Variants in SCAPER observed in about 807,000 individuals in gnomAD.
The protein encoded by SCAPER is S-phase cyclin A associated protein in the ER.
A neutral mutation model predicts 182.2 loss-of-function variants in SCAPER; 98 were observed. The observed-to-expected ratio is 0.54, with a 90% CI of 0.46 to 0.64. The LOEUF is 0.64. Ranked by LOEUF, SCAPER falls within the 30% of genes least tolerant of loss-of-function variation. SCAPER has a pLI of 0.00. For synonymous variants in SCAPER, 605 were observed against 564.6 expected, an observed-to-expected ratio of 1.07 and a Z score of -1.01; for missense variants, 1,432 against 1,690.0, an observed-to-expected ratio of 0.85 and a Z score of 2.68.
At chr15:76,478,734 C>T (rs981251503) in intron 24 of SCAPER, among the ~76,000 whole-genome samples, 1 of 152,088 alleles carries the variant, frequency 6.6e-6, no homozygotes, top group Admixed American at 6.6e-5. Flanking sequence ...TAATTGATAA[C>T]TATCTATCAT....
chr15:76,725,027 TG>T (rs1190896903), intron 17 of SCAPER, among the ~76,000 whole-genome samples: 4 of 152,230 alleles, frequency 2.6e-5, no homozygotes, highest in Middle Eastern at 3.4e-3. Flanking sequence ...TTGCTCACAC[TG>T]GGAGCTGTAG....
Position 76,804,547 on chromosome 15 carries a change from T to C in SCAPER, c.480A>G (p.Thr160=). 6 of 1,609,556 alleles carry C rather than the reference T, an allele frequency of 3.7e-6. No homozygotes were observed. Among genetic ancestry groups the C allele is most frequent in the Non-Finnish European group, 5.1e-6 (6 of 1,177,712 alleles). The change falls in exon 6 of 32, where the codon ACA becomes ACG. Residue 160 remains threonine (T), a synonymous_variant. Transcript: ENST00000563290. ...GAGCTCATTACCTGCTTTGAGCATC[T>C]GTCTTCTCTAGCTTTTCCTGAAGCT... ...WIQLQEKLEK[T]DAQSRPTSLA...
rs572079474 is a variant in SCAPER, at chr15:76,563,760, C to G, written c.2838+10398G>C. Among the ~76,000 whole-genome samples the G allele has an allele frequency of 1.2e-4, 19 of 152,274 alleles. 1 individual carries two copies. The highest frequency in any genetic ancestry group is 4.1e-4 in the African/African-American group (17 of 41,550). The stretch of plus-strand genomic sequence containing the variant: ...TTGAAGAACATCAATGCAAAATTCT[C>G]AACAAAATACTGGCAATCCAAATCC... On this transcript the variant is annotated intron_variant, in intron 23 of 31. Transcript: ENST00000563290.
At chr15:76,564,693 A>T (rs1434480864) in intron 23 of SCAPER, among the ~76,000 whole-genome samples, 1 of 152,194 alleles carries the variant, frequency 6.6e-6, no homozygotes, top group East Asian at 1.9e-4. Flanking sequence ...TGGAAGCAGA[A>T]AAGAGCCAAA....
rs540666087 is a variant in SCAPER, at chr15:76,594,923, C to T, written c.2712-20639G>A. ...ACTACGAAGAAATTGAATCAACTAA[C>T]CGGCAAGACAACCAGCTAGAATAAT... On this transcript the variant is annotated intron_variant, in intron 22 of 31. Transcript: ENST00000563290. Among the ~76,000 whole-genome samples the T allele has an allele frequency of 3.5e-4, 42 of 121,232 alleles. 9 individuals are homozygous for T. The East Asian group carries it at 6.0e-3, about 17-fold the overall frequency. 79.5% of individuals were successfully genotyped at this position (121,232 alleles called of 152,430 possible). A position where few individuals can be genotyped will look rare whatever the true frequency, so the allele number is the denominator to read the frequency against.
At chr15:76,629,447 T>C (rs1336214873) in intron 21 of SCAPER, among the ~76,000 whole-genome samples, 1 of 152,232 alleles carries the variant, frequency 6.6e-6, no homozygotes, top group Non-Finnish European at 1.5e-5. Flanking sequence ...AATACCGAGT[T>C]TATTGAGAGT....
chr15:76,848,857 C>T (rs972125579), intron 4 of SCAPER, among the ~76,000 whole-genome samples: 2 of 152,140 alleles, frequency 1.3e-5, no homozygotes, highest in African/African-American at 4.8e-5. Context: ...ACCCCCACCC[C>T]TACTCTTCAC....
Position 76,887,068 on chromosome 15 carries a change from G to GGTAATGAAATAATCT in SCAPER, c.-59-3207_-59-3193dup, listed in dbSNP as rs1762065478. Among the ~76,000 whole-genome samples, 3 of 152,022 alleles carry GGTAATGAAATAATCT rather than the reference G, an allele frequency of 2.0e-5. No homozygotes were observed. In the South Asian group the frequency reaches 6.2e-4, roughly 32 times the overall value. ...TGATGGGTACTAGGTTGAATACTTA[G>GGTAATGAAATAATCT]GTAATGAAATAATCTGTACAACAAA... On this transcript the variant is annotated intron_variant, in intron 1 of 31. Coordinates refer to ENST00000563290, the MANE Select transcript of SCAPER (RefSeq NM_020843.4).
intron 5 of SCAPER, among the ~76,000 whole-genome samples, chr15:76,839,890 T>C (rs1354881523): frequency 1.3e-5 from 2 of 152,196 alleles, no homozygotes; most frequent in East Asian, 3.8e-4. Flanking sequence ...AAAAAGTATA[T>C]ATATTTTTAA....
chr15:76,875,520 G>C (rs888694646), intron 2 of SCAPER, among the ~76,000 whole-genome samples: 1 of 152,070 alleles, frequency 6.6e-6, no homozygotes, highest in Admixed American at 6.6e-5. Flanking sequence ...GTACGCGCCT[G>C]TAATTCCAGC....
chr15:76,388,765 C>G (rs1202579742), intron 27 of SCAPER, among the ~76,000 whole-genome samples: 1 of 151,932 alleles, frequency 6.6e-6, no homozygotes, highest in Non-Finnish European at 1.5e-5. Context: ...TTGAGACCAT[C>G]CTGGCCAACA....
intron 21 of SCAPER, among the ~76,000 whole-genome samples, chr15:76,626,246 C>A (rs1257430843): frequency 6.6e-6 from 1 of 152,036 alleles, no homozygotes; most frequent in Non-Finnish European, 1.5e-5. Context: ...CTCTAGTCAA[C>A]CATCCGGAAG....
At chr15:76,849,209 C>A (rs1197375030) in intron 4 of SCAPER, among the ~76,000 whole-genome samples, 1 of 152,218 alleles carries the variant, frequency 6.6e-6, no homozygotes, top group Non-Finnish European at 1.5e-5. Flanking sequence ...GCTGAACACC[C>A]TCAGTAACAG....
At chr15:76,902,166 T>TA (rs2074824327) in intron 1 of SCAPER, among the ~76,000 whole-genome samples, 1 of 152,134 alleles carries the variant, frequency 6.6e-6, no homozygotes, top group Non-Finnish European at 1.5e-5. Flanking sequence ...TATGCAGCCA[T>TA]AAAAAAGAAC....
chr15:76,883,006 C>G (rs577961939), intron 2 of SCAPER, among the ~76,000 whole-genome samples: 1 of 152,128 alleles, frequency 6.6e-6, no homozygotes, highest in East Asian at 1.9e-4. Flanking sequence ...CTGCCCTGAG[C>G]GCCACACTTC....
At chr15:76,893,320 T>A (rs1379497000) in intron 1 of SCAPER, among the ~76,000 whole-genome samples, 1 of 151,950 alleles carries the variant, frequency 6.6e-6, no homozygotes, top group Non-Finnish European at 1.5e-5. Context: ...GAACTTAAAG[T>A]ATAATAATAA....
intron 29 of SCAPER, among the ~76,000 whole-genome samples, chr15:76,360,852 A>G (rs2041357966): frequency 6.6e-6 from 1 of 152,196 alleles, no homozygotes; most frequent in Admixed American, 6.5e-5. Context: ...GTTGGAACAC[A>G]TGACTCTAAA....
intron 7 of SCAPER, among the ~76,000 whole-genome samples, chr15:76,799,413 C>T (rs2151497809): frequency 6.7e-6 from 1 of 148,184 alleles, no homozygotes; most frequent in South Asian, 2.2e-4. Flanking sequence ...CAGGCACATG[C>T]CACGACACAT....
At chr15:76,883,652 G>A (rs1330945576) in intron 2 of SCAPER, among the ~76,000 whole-genome samples, 160 bp downstream of exon 2, 2 of 152,178 alleles carry the variant, frequency 1.3e-5, no homozygotes, top group Non-Finnish European at 2.9e-5. Flanking sequence ...CTCTAAGGTT[G>A]AATAGTACAT....
Sources: allele counts gnomAD v4.1 joint callset (sites outside exome capture counted in the v4.1 genomes callset), GRCh38; gene constraint gnomAD v4.1.1; transcripts MANE v1.5; gene names NCBI Gene and HGNC (gene_info 2026-07-23, HGNC 2026-07-21).